ADGRB3: variants seen among roughly 807,000 people sequenced by gnomAD.
ADGRB3 encodes the protein brain-specific angiogenesis inhibitor 3.
A neutral mutation model predicts 193.4 loss-of-function variants in ADGRB3; 37 were observed. The observed-to-expected ratio is 0.19, with a 90% CI of 0.15 to 0.25. The LOEUF (loss-of-function observed/expected upper bound fraction) is 0.25. Among genes scored for constraint, ADGRB3 ranks in the 10% least tolerant of loss-of-function variants. The pLI, the probability that ADGRB3 is intolerant of heterozygous loss-of-function variation, is 1.00. For synonymous variants in ADGRB3, 690 were observed against 644.2 expected (o/e 1.07, Z -1.08); for missense variants, 1,637 against 1,852.9 (o/e 0.88, Z 2.14).
intron 3 of ADGRB3, among the ~76,000 whole-genome samples, chr6:68,714,691 A>G (rs1418358514): frequency 4.6e-5 from 7 of 151,894 alleles, no homozygotes; most frequent in African/African-American, 7.2e-5. Flanking sequence ...TATCTCAGGA[A>G]TAACAGTGAT....
intron 11 of ADGRB3, among the ~76,000 whole-genome samples, chr6:68,995,765 T>C (rs1355811579): frequency 6.6e-6 from 1 of 152,168 alleles, no homozygotes; most frequent in Non-Finnish European, 1.5e-5. Flanking sequence ...GCCCTCCTTA[T>C]CTGAAATTCC....
At chr6:68,863,061 C>T (rs1298338022) in intron 3 of ADGRB3, among the ~76,000 whole-genome samples, 3 of 152,040 alleles carry the variant, frequency 2.0e-5, no homozygotes, top group African/African-American at 7.2e-5. Context: ...TTAATAATTA[C>T]TATATTTTTT....
intron 20 of ADGRB3, among the ~76,000 whole-genome samples, chr6:69,280,750 C>A (rs1167356249): frequency 6.6e-6 from 1 of 152,142 alleles, no homozygotes; most frequent in African/African-American, 2.4e-5. Context: ...CAATATGTAA[C>A]CCAGTTCTCA....
chr6:69,063,157 G>T, intron 16 of ADGRB3, 121 bp downstream of exon 16: 3 of 651,008 alleles, frequency 4.6e-6, no homozygotes, highest in Non-Finnish European at 7.9e-6. Context: ...ATATTAACTT[G>T]TTATGAGTAT....
intron 17 of ADGRB3, among the ~76,000 whole-genome samples, chr6:69,106,116 G>T (rs1376595797): frequency 7.6e-6 from 1 of 131,948 alleles, no homozygotes; most frequent in Non-Finnish European, 1.5e-5. Context: ...CTGAGATCGT[G>T]CCACTGCACT....
At chr6:69,289,784 G>T (rs756491846) in intron 20 of ADGRB3, among the ~76,000 whole-genome samples, 1 of 151,564 alleles carries the variant, frequency 6.6e-6, no homozygotes, top group African/African-American at 2.4e-5. Flanking sequence ...CTGGCTTTCC[G>T]CTGGTTTTCC....
chr6:68,876,824 T>A (rs1765607350), intron 3 of ADGRB3, among the ~76,000 whole-genome samples: 1 of 152,168 alleles, frequency 6.6e-6, no homozygotes, highest in Non-Finnish European at 1.5e-5. Flanking sequence ...TATGTATTTT[T>A]AGCATATGGC....
intron 3 of ADGRB3, among the ~76,000 whole-genome samples, chr6:68,772,892 AAAATATATAT>A (rs1265286707): frequency 0.027 from 816 of 30,508 alleles, 14 homozygotes; most frequent in East Asian, 0.13. Flanking sequence ...CAAAAAAAAA[AAAATATATAT>A]ATATATATAT....
intron 3 of ADGRB3, among the ~76,000 whole-genome samples, chr6:68,828,495 GT>G (rs1232745050): frequency 2.0e-5 from 3 of 152,088 alleles, no homozygotes; most frequent in Admixed American, 6.6e-5. Context: ...AAAATAAAAT[GT>G]TCACTGGTCT....
intron 3 of ADGRB3, among the ~76,000 whole-genome samples, chr6:68,784,474 A>T (rs2127362787): frequency 6.6e-6 from 1 of 152,258 alleles, no homozygotes; most frequent in Admixed American, 6.6e-5. Flanking sequence ...AATTTTCTAT[A>T]TGCTATTATA....
chr6:69,006,650 T>G (rs1769764799), intron 11 of ADGRB3, among the ~76,000 whole-genome samples: 1 of 151,840 alleles, frequency 6.6e-6, no homozygotes, highest in African/African-American at 2.4e-5. Flanking sequence ...GGATTATAGG[T>G]GTGCACCACC....
At chr6:69,018,112 C>A (rs1040517363) in intron 12 of ADGRB3, among the ~76,000 whole-genome samples, 1 of 151,770 alleles carries the variant, frequency 6.6e-6, no homozygotes, top group Non-Finnish European at 1.5e-5. Context: ...AAAGAAAAGT[C>A]GTCTATTTTT....
intron 20 of ADGRB3, among the ~76,000 whole-genome samples, chr6:69,295,517 A>G (rs1395564088): frequency 6.6e-6 from 1 of 152,108 alleles, no homozygotes; most frequent in Non-Finnish European, 1.5e-5. Flanking sequence ...TATTGATGGA[A>G]AGCACAGAGA....
intron 22 of ADGRB3, 104 bp downstream of exon 22, chr6:69,327,993 C>G: frequency 2.1e-6 from 2 of 948,402 alleles, no homozygotes; most frequent in Non-Finnish European, 3.0e-6. Context: ...GAATCATTAA[C>G]AATGGTAGAA....
intron 23 of ADGRB3, chr6:69,331,861 A>G (rs1426842098): frequency 2.0e-6 from 2 of 984,770 alleles, no homozygotes; most frequent in Non-Finnish European, 2.4e-6. Context: ...CTTAGTTTAA[A>G]TGAGAGGTAC....
At chr6:69,233,752 A>AT (rs1766203219) in intron 18 of ADGRB3, among the ~76,000 whole-genome samples, 1 of 152,158 alleles carries the variant, frequency 6.6e-6, no homozygotes, top group Non-Finnish European at 1.5e-5. Flanking sequence ...ATTCTGGGGA[A>AT]TTTTAGAGGG....
chr6:69,031,129 G>T (rs1204533593), intron 13 of ADGRB3, among the ~76,000 whole-genome samples: 8 of 115,382 alleles, frequency 6.9e-5, no homozygotes, highest in African/African-American at 7.2e-5. Context: ...TCTTCTCTCT[G>T]TCTCTCTCTC....
chr6:68,956,299 ATATGTG>A, intron 7 of ADGRB3, 111 bp downstream of exon 7: 1 of 929,470 alleles, frequency 1.1e-6, no homozygotes, highest in Non-Finnish European at 1.5e-6. Context: ...CATTATATAT[ATATGTG>A]TGTGTGTGTG....
chr6:69,011,454 A>G (rs1769934826), intron 11 of ADGRB3, among the ~76,000 whole-genome samples: 1 of 151,906 alleles, frequency 6.6e-6, no homozygotes, highest in Admixed American at 6.6e-5. Flanking sequence ...AAATGGCAAA[A>G]ATAGACACTG....
Sources: allele counts gnomAD v4.1 joint callset (sites outside exome capture counted in the v4.1 genomes callset), GRCh38; gene constraint gnomAD v4.1.1; transcripts MANE v1.5; gene names NCBI Gene and HGNC (gene_info 2026-07-23, HGNC 2026-07-21).